Variants in MTMR9 observed in about 807,000 individuals in gnomAD.
MTMR9 encodes the protein myotubularin related protein 9.
Under a neutral mutation model 69.5 loss-of-function variants are expected in MTMR9, and 39 were observed. The ratio of observed to expected loss-of-function variants is 0.56; its 90% CI spans 0.43 to 0.73. The LOEUF is 0.73. MTMR9 is among the 30% of genes least tolerant of loss of function. The pLI is 0.00. For missense variants in MTMR9, 900 were observed against 671.2 expected (o/e 1.34, Z -3.77); for synonymous variants, 354 against 240.8 (o/e 1.47, Z -4.35).
At chr8:11,292,615 T>C (rs1799411236) in intron 1 of MTMR9, among the ~76,000 whole-genome samples, 1 of 152,220 alleles carries the variant, frequency 6.6e-6, no homozygotes, top group South Asian at 2.1e-4. Flanking sequence ...TCTTTTCATA[T>C]GCTTATTTGC....
chr8:11,306,492 C>T (rs1585122108), intron 5 of MTMR9, 85 bp downstream of exon 5: 3 of 1,186,560 alleles, frequency 2.5e-6, no homozygotes, highest in East Asian at 2.5e-5. Flanking sequence ...ATCACAAGTG[C>T]TCAAATTAAC....
chr8:11,330,353 G>T (rs1431069640), downstream of MTMR9, among the ~76,000 whole-genome samples: 1 of 151,954 alleles, frequency 6.6e-6, no homozygotes, highest in Non-Finnish European at 1.5e-5. Flanking sequence ...GGGCGCCTCT[G>T]CCCGGCTGCC....
At position 11,306,229 on chromosome 8, in the gene MTMR9, G is replaced by A. The variant is rs771326753; in HGVS notation, c.631G>A (p.Gly211Arg). Residue 211 changes from glycine to arginine, a missense_variant, in exon 5 of 10, where the codon GGG (glycine) becomes AGG (arginine). By Grantham distance (125) the Gly-to-Arg change is moderately radical. Transcript: ENST00000221086. ...TGGTCAGCCACTCACTGGTACAAAC[G>A]GGAGGAGGTGCAAGGAGGACGAGAA... ...RSGQPLTGTN[G>R]RRCKEDEKLI... is the part of the protein sequence containing the mutation. The A allele has an allele frequency of 2.1e-5, 34 of 1,613,382 alleles. No individual in the cohort carries two copies. In the East Asian group the frequency reaches 4.2e-4, roughly 20 times the overall value.
At chr8:11,306,776 G>C (rs1242015499) in intron 5 of MTMR9, among the ~76,000 whole-genome samples, 1 of 152,130 alleles carries the variant, frequency 6.6e-6, no homozygotes, top group African/African-American at 2.4e-5. Flanking sequence ...TTACCATGCT[G>C]TACAATAGAC....
At position 11,309,605 on chromosome 8, in the gene MTMR9, C is replaced by T. The variant is rs765721660; in HGVS notation, c.888C>T (p.Leu296=). 1.3e-5 allele frequency: 21 copies of T among 1,613,768 alleles called. No homozygotes were observed. Among genetic ancestry groups the T allele is most frequent in the South Asian group, 2.2e-5 (2 of 91,082 alleles). ...NDQTHNMDRW[L]SKLEASNWLT... is the part of the protein sequence containing the mutation. ...AAACACATAACATGGACCGATGGCT[C>T]AGTAAATTGGAGGCCTCTAACTGGC... The change falls in exon 6 of 10, where the codon CTC becomes CTT. Residue 296 remains leucine, a synonymous_variant. Coordinates refer to ENST00000221086, the MANE Select transcript of MTMR9 (RefSeq NM_015458.4).
chr8:11,321,141 C>T (rs1015284803), intron 9 of MTMR9: 2 of 171,320 alleles, frequency 1.2e-5, no homozygotes, highest in African/African-American at 4.8e-5. Flanking sequence ...CCTTCCACCT[C>T]AGTTCATGCT....
chr8:11,338,284 C>A, the MTMR9 span, among the ~76,000 whole-genome samples: 1 of 152,174 alleles, frequency 6.6e-6, no homozygotes, highest in Non-Finnish European at 1.5e-5. Flanking sequence ...TTATATGGAC[C>A]AGCTTCTGTT....
At chr8:11,287,873 A>T (rs1433974307) in intron 1 of MTMR9, among the ~76,000 whole-genome samples, 1 of 78,110 alleles carries the variant, frequency 1.3e-5, no homozygotes, top group Non-Finnish European at 2.1e-5. Flanking sequence ...TTATATTATA[A>T]TATATAACAT....
chr8:11,300,296 T>C (rs1201715430), intron 3 of MTMR9, 148 bp downstream of exon 3: 4 of 801,400 alleles, frequency 5.0e-6, no homozygotes, highest in Non-Finnish European at 7.7e-6. Context: ...ATTGAAGCCA[T>C]GCAGAGTATG....
chr8:11,331,160 G>T (rs369468696), downstream of MTMR9: 1 of 1,612,164 alleles, frequency 6.2e-7, no homozygotes, highest in East Asian at 2.2e-5. Flanking sequence ...ACCCATCGCC[G>T]CCCTCCGCTC....
Position 11,322,701 on chromosome 8 carries a change from T to C in MTMR9, c.1563T>C (p.Tyr521=), listed in dbSNP as rs747315285. ...AAGAAATGGTTAACATCATTGAATA[T>C]AATAAAGAATTACAAGCAAAAGTCA... ...AYEEMVNIIE[Y]NKELQAKVNI... The change falls in exon 10 of 10, where the codon TAT becomes TAC. Residue 521 remains tyrosine (Y), a synonymous_variant. Coordinates refer to ENST00000221086, the MANE Select transcript of MTMR9 (RefSeq NM_015458.4). 6.2e-7 allele frequency: 1 copy of C among 1,613,942 alleles called. No homozygotes were observed. Among genetic ancestry groups the C allele is most frequent in the Non-Finnish European group, 8.5e-7 (1 of 1,179,836 alleles).
chr8:11,331,667 C>A (rs755131257), downstream of MTMR9: 8 of 1,612,100 alleles, frequency 5.0e-6, no homozygotes, highest in African/African-American at 1.1e-4. Context: ...CCACAGGTGT[C>A]TACACCACCC....
At chr8:11,331,591 T>G, downstream of MTMR9, 1 of 1,610,844 alleles carries the variant, frequency 6.2e-7, no homozygotes, top group South Asian at 1.1e-5. Flanking sequence ...TGGTGTGGAC[T>G]GTTGGGCAGC....
chr8:11,331,733 C>T, downstream of MTMR9: 1 of 1,611,990 alleles, frequency 6.2e-7, no homozygotes, highest in Non-Finnish European at 8.5e-7. Context: ...GGCTTCTGGT[C>T]TATCGTTCTC....
At chr8:11,317,089 G>A in intron 8 of MTMR9, 196 bp downstream of exon 8, 2 of 397,948 alleles carry the variant, frequency 5.0e-6, no homozygotes, top group Non-Finnish European at 8.8e-6. Flanking sequence ...ACTTTGTTCT[G>A]TTAGGTTAAA....
intron 5 of MTMR9, among the ~76,000 whole-genome samples, chr8:11,307,947 C>T (rs1179485006): frequency 6.6e-6 from 1 of 152,046 alleles, no homozygotes; most frequent in Non-Finnish European, 1.5e-5. Flanking sequence ...TGGATATTAA[C>T]CCCTTATCCA....
chr8:11,295,809 G>C (rs1243112037), intron 2 of MTMR9, among the ~76,000 whole-genome samples: 1 of 152,128 alleles, frequency 6.6e-6, no homozygotes, highest in Non-Finnish European at 1.5e-5. Flanking sequence ...CAATAAAATA[G>C]ATACAGTTAG....
chr8:11,322,887 G>C lies in MTMR9; in HGVS notation c.*99G>C. On this transcript the variant is annotated 3_prime_UTR_variant, in exon 10 of 10. Coordinates refer to ENST00000221086, the MANE Select transcript of MTMR9 (RefSeq NM_015458.4). ...CACTTTTACACGGTAGCCTTGAAGT[G>C]AAGGCTTTAGATGTGGGACCCCCCT... 3 of 1,086,036 alleles carry C rather than the reference G, an allele frequency of 2.8e-6. No individual in the cohort carries two copies. The highest frequency in any genetic ancestry group is 4.0e-6 in the Non-Finnish European group (3 of 754,954). 67.3% of individuals were successfully genotyped at this position (1,086,036 alleles called of 1,614,324 possible).
chr8:11,332,119 A>T (rs778501917), downstream of MTMR9: 4 of 1,611,804 alleles, frequency 2.5e-6, no homozygotes, highest in South Asian at 4.4e-5. Context: ...AAGGTGGAGG[A>T]GTGAGATAGA....
Sources: gnomAD v4.1 joint callset for allele counts (sites outside exome capture counted in the v4.1 genomes callset) on GRCh38, gnomAD v4.1.1 for gene constraint, MANE v1.5 for transcripts, NCBI Gene and HGNC (gene_info 2026-07-23, HGNC 2026-07-21) for gene names.